Variants in MTMR12 observed in about 807,000 individuals in gnomAD.
MTMR12 encodes myotubularin related protein 12.
Under a neutral mutation model 96.7 loss-of-function variants are expected in MTMR12, and 33 were observed. That is an observed-to-expected ratio of 0.34 (90% confidence interval 0.26 to 0.46). MTMR12 has a LOEUF of 0.46. Among genes scored for constraint, MTMR12 ranks in the 20% least tolerant of loss-of-function variants. The pLI is 1.00. For synonymous variants in MTMR12, 298 were observed against 327.2 expected (o/e 0.91, Z 0.96); for missense variants, 721 against 896.1 (o/e 0.80, Z 2.49).
At chr5:32,286,037 T>C (rs994029285) in intron 1 of MTMR12, among the ~76,000 whole-genome samples, 6 of 152,086 alleles carry the variant, frequency 3.9e-5, no homozygotes, top group Admixed American at 2.0e-4. Flanking sequence ...TACCAAACGC[T>C]AAGGATAAAA....
chr5:32,289,399 C>T (rs1475076660), intron 1 of MTMR12, among the ~76,000 whole-genome samples: 1 of 151,834 alleles, frequency 6.6e-6, no homozygotes, highest in Admixed American at 6.6e-5. Flanking sequence ...AAGGGGAGGC[C>T]GGGTCCCCTT....
chr5:32,271,772 T>C, intron 4 of MTMR12, 61 bp downstream of exon 4: 1 of 947,876 alleles, frequency 1.1e-6, no homozygotes, highest in Non-Finnish European at 1.5e-6. Flanking sequence ...AAAAATATTA[T>C]TATCATTATC....
intron 10 of MTMR12, among the ~76,000 whole-genome samples, chr5:32,246,429 T>G (rs1197742471): frequency 6.6e-6 from 1 of 152,106 alleles, no homozygotes; most frequent in Non-Finnish European, 1.5e-5. Context: ...CCCAAAGTGC[T>G]GGATTACAGG....
At chr5:32,240,475 A>G (rs1017909889) in intron 12 of MTMR12, among the ~76,000 whole-genome samples, 3 of 152,012 alleles carry the variant, frequency 2.0e-5, no homozygotes, top group Non-Finnish European at 4.4e-5. Flanking sequence ...CCTGACCCCT[A>G]TAATCACAGA....
chr5:32,270,770 G>A (rs752928660), intron 5 of MTMR12, 47 bp downstream of exon 5: 9 of 1,557,948 alleles, frequency 5.8e-6, no homozygotes, highest in Non-Finnish European at 1.7e-6. Flanking sequence ...AGCTAGTGGG[G>A]AAAACCTGAT....
At chr5:32,252,125 T>G (rs796584892) in intron 8 of MTMR12, among the ~76,000 whole-genome samples, 18 of 152,230 alleles carry the variant, frequency 1.2e-4, no homozygotes, top group African/African-American at 4.3e-4. Context: ...AAAAAGATAC[T>G]CAGGGTTGAA....
chr5:32,261,814 T>C (rs1749368648), intron 7 of MTMR12, among the ~76,000 whole-genome samples: 1 of 152,206 alleles, frequency 6.6e-6, no homozygotes, highest in Non-Finnish European at 1.5e-5. Context: ...GGCTCACACC[T>C]GTAATCCCAG....
intron 1 of MTMR12, among the ~76,000 whole-genome samples, chr5:32,284,601 A>G (rs1463317187): frequency 6.6e-6 from 1 of 152,084 alleles, no homozygotes; most frequent in Non-Finnish European, 1.5e-5. Flanking sequence ...CTTAAACCAT[A>G]AACTAGTTTT....
intron 3 of MTMR12, among the ~76,000 whole-genome samples, chr5:32,273,669 G>C (rs1749931997): frequency 6.6e-6 from 1 of 152,026 alleles, no homozygotes; most frequent in African/African-American, 2.4e-5. Context: ...AGGAGACCCT[G>C]AACGACAGAG....
chr5:32,263,094 C>A lies in MTMR12; in HGVS notation c.713+19G>T. The A allele has an allele frequency of 1.9e-6, 3 of 1,613,638 alleles. 1 individual carries two copies. Among genetic ancestry groups the A allele is most frequent in the South Asian group, 2.2e-5 (2 of 91,034 alleles). On this transcript the variant is annotated intron_variant, in intron 7 of 15. Coordinates refer to ENST00000382142, the MANE Select transcript of MTMR12 (RefSeq NM_001040446.3). ...TAATGGGTGAATTGTACAGCATGTG[C>A]CCAGCATGGAAAGCTTACCTCTCAC... is the stretch of plus-strand genomic sequence containing the variant.
chr5:32,260,959 G>T (rs931649933), intron 7 of MTMR12, among the ~76,000 whole-genome samples: 1 of 151,680 alleles, frequency 6.6e-6, no homozygotes, highest in Non-Finnish European at 1.5e-5. Context: ...TCAGCCAGGC[G>T]CAGTGGCTCA....
chr5:32,234,940 G>C (rs527923752), intron 14 of MTMR12, 22 bp downstream of exon 14: 5 of 1,591,388 alleles, frequency 3.1e-6, no homozygotes, highest in African/African-American at 1.3e-5. Context: ...TTAATACACA[G>C]GTTCCTAAGA....
chr5:32,294,727 T>C (rs1750861950), intron 1 of MTMR12, among the ~76,000 whole-genome samples: 2 of 152,198 alleles, frequency 1.3e-5, no homozygotes, highest in Non-Finnish European at 1.5e-5. Flanking sequence ...TAGCATATAA[T>C]TCCTGACAAG....
intron 1 of MTMR12, among the ~76,000 whole-genome samples, chr5:32,294,812 G>C (rs1051695161): frequency 1.3e-5 from 2 of 152,068 alleles, no homozygotes; most frequent in African/African-American, 4.8e-5. Context: ...TTCTTGATCC[G>C]GATAATATTC....
At chr5:32,252,418 T>C (rs1748968291) in intron 8 of MTMR12, among the ~76,000 whole-genome samples, 1 of 152,276 alleles carries the variant, frequency 6.6e-6, no homozygotes, top group South Asian at 2.1e-4. Flanking sequence ...GTTCATAATC[T>C]AGCCCCAAAC....
Position 32,243,540 on chromosome 5 carries a change from T to C in MTMR12, c.1081A>G (p.Ser361Gly), listed in dbSNP as rs1748557282. The change falls in exon 11 of 16, where the codon AGC becomes GGC. Residue 361 changes from serine (S) to glycine (G), a missense_variant. By Grantham distance (56) the Ser-to-Gly change is moderately conservative (BLOSUM62 0). Transcript: ENST00000382142. Reference protein sequence around the residue: ...IKWFSLLESSSWLDIIRRCLK... With the variant: ...IKWFSLLESSGWLDIIRRCLK... ...AAATACCTGATTATGTCAAGCCAGC[T>C]GCTACTTTCCAACAGAGAAAACCAT... The C allele has an allele frequency of 6.2e-7, 1 of 1,612,138 alleles. No individual in the cohort carries two copies. Among genetic ancestry groups the C allele is most frequent in the Non-Finnish European group, 8.5e-7 (1 of 1,178,430 alleles).
chr5:32,248,191 C>T (rs1284013823), intron 9 of MTMR12, 65 bp from the exon 10 acceptor site: 6 of 1,554,096 alleles, frequency 3.9e-6, no homozygotes, highest in South Asian at 1.2e-5. Flanking sequence ...GGATTTACTA[C>T]GTGCCACAAT....
At chr5:32,234,489 G>A (rs1482418263) in intron 14 of MTMR12, among the ~76,000 whole-genome samples, 1 of 152,188 alleles carries the variant, frequency 6.6e-6, no homozygotes, top group Non-Finnish European at 1.5e-5. Context: ...TCTTCACAGA[G>A]GAGTTCCAGG....
At chr5:32,234,679 C>T (rs758338597) in intron 14 of MTMR12, 2 of 206,742 alleles carry the variant, frequency 9.7e-6, no homozygotes, top group Non-Finnish European at 1.9e-5. Flanking sequence ...AATGCATATG[C>T]CATAGGGTGC....
Sources: allele counts gnomAD v4.1 joint callset (sites outside exome capture counted in the v4.1 genomes callset), GRCh38; gene constraint gnomAD v4.1.1; transcripts MANE v1.5; gene names NCBI Gene and HGNC (gene_info 2026-07-23, HGNC 2026-07-21).